The following PDGFRA variants were observed in gnomAD, a reference collection of about 807,000 sequenced individuals.
PDGFRA encodes the protein platelet derived growth factor receptor alpha, also known as platelet-derived growth factor receptor alpha.
In PDGFRA, 25 loss-of-function variants were observed where a neutral mutation model predicts 121.5. The ratio of observed to expected loss-of-function variants is 0.21; its 90% CI spans 0.15 to 0.29. PDGFRA has a LOEUF of 0.29. Among genes scored for constraint, PDGFRA ranks in the 10% least tolerant of loss-of-function variants. The pLI, the probability that PDGFRA is intolerant of heterozygous loss-of-function variation, is 1.00. For missense variants in PDGFRA, 1,008 were observed against 1,345.1 expected (o/e 0.75, Z 3.92); for synonymous variants, 463 against 494.8 (o/e 0.94, Z 0.85).
At chr4:54,239,912 A>G (rs1721206093) in intron 1 of PDGFRA, 1 of 161,122 alleles carries the variant, frequency 6.2e-6, no homozygotes, top group African/African-American at 2.4e-5. Context: ...GTGCAGTGGC[A>G]TAATCATGGC....
chr4:54,271,328 A>G (rs961121176), intron 8 of PDGFRA, among the ~76,000 whole-genome samples: 4 of 152,194 alleles, frequency 2.6e-5, no homozygotes, highest in African/African-American at 7.2e-5. Flanking sequence ...CCTCACAGTA[A>G]AACCTGTGAT....
chr4:54,258,007 C>A (rs955843321), intron 1 of PDGFRA, among the ~76,000 whole-genome samples: 2 of 152,186 alleles, frequency 1.3e-5, no homozygotes, highest in African/African-American at 4.8e-5. Flanking sequence ...TTTACTTTAA[C>A]ATGAAAATGA....
chr4:54,238,795 G>C (rs1721144244), intron 1 of PDGFRA, among the ~76,000 whole-genome samples: 1 of 152,086 alleles, frequency 6.6e-6, no homozygotes, highest in Non-Finnish European at 1.5e-5. Flanking sequence ...GTGAGACCTT[G>C]TCTCTACAAA....
At position 54,267,615 on chromosome 4, in the gene PDGFRA, T is replaced by C. The variant is rs878854837; in HGVS notation, c.995T>C (p.Val332Ala). 5 of 1,614,146 alleles carry C rather than the reference T, an allele frequency of 3.1e-6. No individual in the cohort carries two copies. The highest frequency in any genetic ancestry group is 4.2e-6 in the Non-Finnish European group (5 of 1,180,020). The change falls in exon 7 of 23, where the codon GTC becomes GCC. Residue 332 changes from valine (V) to alanine (A), a missense_variant. Physicochemically the swap from Val to Ala is moderately conservative, Grantham distance 64 (BLOSUM62 0). Transcript: ENST00000257290. ...SQLEAVNLHE[V>A]KHFVVEVRAY... ...TTGGAAGCTGTCAACCTGCATGAAG[T>C]CAAACATTTTGTTGTAGAGGTGCGG...
chr4:54,285,413 G>A lies in PDGFRA; in HGVS notation c.2366G>A (p.Gly789Asp), dbSNP rs555553917. The A allele has an allele frequency of 8.9e-6, 14 of 1,574,094 alleles. No homozygotes were observed. The Admixed American group carries it at 1.5e-4, about 17-fold the overall frequency. The part of the protein sequence containing the change: ...KNLLSDDNSE[G>D]LTLLDLLSFT... ...CTCCTTTCAGATGATAACTCAGAAG[G>A]CCTTACTTTATTGGATTTGTTGAGC... The change falls in exon 17 of 23, where the codon GGC becomes GAC. Residue 789 changes from glycine to aspartate, a missense_variant. Gly to Asp is a moderately conservative substitution (Grantham distance 94). Transcript: ENST00000257290.
chr4:54,254,213 C>T (rs1319605319), intron 1 of PDGFRA, among the ~76,000 whole-genome samples: 2 of 152,198 alleles, frequency 1.3e-5, no homozygotes, highest in African/African-American at 4.8e-5. Context: ...TCATTACCTC[C>T]CTGTGGGGCA....
chr4:54,233,972 C>A (rs1577666277), intron 1 of PDGFRA, among the ~76,000 whole-genome samples: 1 of 152,226 alleles, frequency 6.6e-6, no homozygotes, highest in African/African-American at 2.4e-5. Context: ...CAGCGCGGCC[C>A]GGGAACGGCG....
intron 1 of PDGFRA, among the ~76,000 whole-genome samples, chr4:54,230,976 G>C (rs986906602): frequency 1.3e-5 from 2 of 152,230 alleles, no homozygotes; most frequent in African/African-American, 4.8e-5. Context: ...GGCCCAACCC[G>C]AGTACGTTGC....
chr4:54,230,096 C>T (rs1191081444), intron 1 of PDGFRA, among the ~76,000 whole-genome samples: 4 of 152,084 alleles, frequency 2.6e-5, no homozygotes, highest in Admixed American at 2.6e-4. Context: ...GACGGCGCTG[C>T]TCTGGGAGAG....
intron 1 of PDGFRA, among the ~76,000 whole-genome samples, chr4:54,241,314 T>A (rs1400216759): frequency 6.6e-6 from 1 of 152,064 alleles, no homozygotes; most frequent in Non-Finnish European, 1.5e-5. Flanking sequence ...GTAAGGAATG[T>A]TATAAAGAAA....
At position 54,297,384 on chromosome 4, in the gene PDGFRA, A is replaced by G. The variant is rs1724927668; in HGVS notation, c.*2112A>G. 1 of 233,748 alleles carries G rather than the reference A, an allele frequency of 4.3e-6. No individual in the cohort carries two copies. The highest frequency in any genetic ancestry group is 6.0e-5 in the East Asian group (1 of 16,594). The allele number at this position is 233,748 out of a possible 1,614,324, so 14.5% of individuals were successfully genotyped here. A position where few individuals can be genotyped will look rare whatever the true frequency, so the allele number is the denominator to read the frequency against. On this transcript the variant is annotated 3_prime_UTR_variant, in exon 23 of 23. Coordinates refer to ENST00000257290, the MANE Select transcript of PDGFRA (RefSeq NM_006206.6). ...ATCCAACTTTTTCATAGTAAGTGCG[A>G]AGACTGAGCCAGATTGGCCAATTAA...
At chr4:54,284,553 TGAGAGAGAGACAGAGAGAGAGAGA>T (rs747071530) in intron 16 of PDGFRA, among the ~76,000 whole-genome samples, 11 of 72,882 alleles carry the variant, frequency 1.5e-4, no homozygotes, top group Admixed American at 4.9e-4. Flanking sequence ...CAGGAGCAAG[TGAGAGAGAGACAGAGAGAGAGAGA>T]GAGAGAGAGA....
chr4:54,258,700 G>A, intron 1 of PDGFRA, 57 bp from the exon 2 acceptor site: 1 of 1,006,974 alleles, frequency 9.9e-7, no homozygotes, highest in Non-Finnish European at 1.6e-6. Flanking sequence ...AGAGAACTAG[G>A]CTCCAGGGTT....
At chr4:54,270,599 A>G in intron 7 of PDGFRA, 34 bp from the exon 8 acceptor site, 1 of 1,113,548 alleles carries the variant, frequency 9.0e-7, no homozygotes, top group South Asian at 1.2e-5. Context: ...TTACTTAGCT[A>G]CTGCTTGTTG....
intron 16 of PDGFRA, among the ~76,000 whole-genome samples, chr4:54,284,562 GAC>G (rs1320910720): frequency 0.11 from 1,610 of 14,090 alleles, 41 homozygotes; most frequent in African/African-American, 0.14. Flanking sequence ...GTGAGAGAGA[GAC>G]AGAGAGAGAG....
At chr4:54,266,264 A>G (rs1723021587) in intron 5 of PDGFRA, among the ~76,000 whole-genome samples, 1 of 152,244 alleles carries the variant, frequency 6.6e-6, no homozygotes, top group Non-Finnish European at 1.5e-5. Flanking sequence ...TTTTCCGATT[A>G]TAAAAGTAAT....
At chr4:54,248,986 C>T (rs982885586) in intron 1 of PDGFRA, among the ~76,000 whole-genome samples, 2 of 152,164 alleles carry the variant, frequency 1.3e-5, no homozygotes, top group Non-Finnish European at 1.5e-5. Context: ...CATCACTGGC[C>T]ATCAGAGAAA....
chr4:54,288,625 G>T (rs1278537591), intron 19 of PDGFRA, among the ~76,000 whole-genome samples, 174 bp from the exon 20 acceptor site: 5 of 152,150 alleles, frequency 3.3e-5, no homozygotes, highest in African/African-American at 1.2e-4. Flanking sequence ...TTAAACTTAA[G>T]GTTTGAGCTG....
chr4:54,261,927 ATATATTTT>A (rs1408515315), intron 3 of PDGFRA, among the ~76,000 whole-genome samples: 6 of 84,400 alleles, frequency 7.1e-5, no homozygotes, highest in African/African-American at 2.8e-4. Flanking sequence ...ATATATATAT[ATATATTTT>A]TTTTTTTTTT....
Sources: allele counts gnomAD v4.1 joint callset (sites outside exome capture counted in the v4.1 genomes callset), GRCh38; gene constraint gnomAD v4.1.1; transcripts MANE v1.5; gene names NCBI Gene and HGNC (gene_info 2026-07-23, HGNC 2026-07-21).